Variants in SCD5 observed in about 807,000 individuals in gnomAD.
SCD5 encodes the protein stearoyl-CoA desaturase 5, also known as acyl-CoA-desaturase 4.
SCD5 carries 20 observed loss-of-function variants against 30.4 expected under a neutral mutation model. The observed-to-expected ratio is 0.66, with a 90% CI of 0.46 to 0.96. SCD5 has a LOEUF of 0.96. Ranked by LOEUF, SCD5 falls within the 40% of genes least tolerant of loss-of-function variation. The pLI, the probability that SCD5 is intolerant of heterozygous loss-of-function variation, is 0.00. For synonymous variants in SCD5, 173 were observed against 176.4 expected (o/e 0.98, Z 0.16); for missense variants, 381 against 443.3 (o/e 0.86, Z 1.26).
intron 1 of SCD5, among the ~76,000 whole-genome samples, chr4:82,752,467 G>A (rs1227205825): frequency 6.6e-6 from 1 of 152,076 alleles, no homozygotes; most frequent in East Asian, 1.9e-4. Flanking sequence ...AGGATGATTT[G>A]AAGGCCTGCA....
chr4:82,721,374 G>C (rs1240920576), intron 1 of SCD5, among the ~76,000 whole-genome samples: 1 of 152,114 alleles, frequency 6.6e-6, no homozygotes, highest in Non-Finnish European at 1.5e-5. Context: ...CTCAGAATCT[G>C]TTTCACAGAA....
In SCD5 at chr4:82,631,264, T is replaced by C. The variant is rs1441317149; in HGVS notation, c.*63A>G. 2.1e-6 allele frequency: 3 copies of C among 1,458,820 alleles called. No individual in the cohort carries two copies. Among genetic ancestry groups the C allele is most frequent in the Non-Finnish European group, 1.9e-6 (2 of 1,059,750 alleles). The allele number at this position is 1,458,820 out of a possible 1,614,324, so 90.4% of individuals were successfully genotyped here. On this transcript the variant is annotated 3_prime_UTR_variant, in exon 5 of 5. Transcript: ENST00000319540. ...CCCACGATCCAATGTACAAGAGAGC[T>C]ATTGTAACCAAAGCCATGAACCGAG...
intron 1 of SCD5, 21 bp from the exon 2 acceptor site, chr4:82,705,434 C>G (rs373726284): frequency 6.2e-7 from 1 of 1,613,800 alleles, no homozygotes; most frequent in Non-Finnish European, 8.5e-7. Context: ...CAAGCAGGGA[C>G]AACGTCAACA....
chr4:82,654,666 A>T (rs1727832859), intron 3 of SCD5, among the ~76,000 whole-genome samples: 1 of 152,130 alleles, frequency 6.6e-6, no homozygotes. Context: ...CCCGTGGGCA[A>T]CAACATAGAT....
At chr4:82,783,310 A>G (rs533201943) in intron 1 of SCD5, among the ~76,000 whole-genome samples, 2 of 152,282 alleles carry the variant, frequency 1.3e-5, no homozygotes, top group South Asian at 2.1e-4. Flanking sequence ...ATGTAGCCAG[A>G]ATGACCTCTG....
chr4:82,792,985 C>T (rs1468723111), intron 1 of SCD5, among the ~76,000 whole-genome samples: 1 of 152,160 alleles, frequency 6.6e-6, no homozygotes, highest in Non-Finnish European at 1.5e-5. Flanking sequence ...TATGTTCATA[C>T]TTGTTGGGAC....
In SCD5 at chr4:82,665,670, A is replaced by T. The variant is rs76028448; in HGVS notation, c.569+15037T>A. Reference sequence around the variant, plus strand: ...AAAAGCTGAGAATTTATTGCCCATAAACCTGTGTTACAAGAAATATAAAGG... The same window carrying T: ...AAAAGCTGAGAATTTATTGCCCATATACCTGTGTTACAAGAAATATAAAGG... On this transcript the variant is annotated intron_variant, in intron 3 of 4. Transcript: ENST00000319540. Among the ~76,000 whole-genome samples, 607 of 152,260 alleles carry T rather than the reference A, an allele frequency of 4.0e-3. 7 individuals are homozygous for T. Among genetic ancestry groups the T allele is most frequent in the African/African-American group, 0.014 (579 of 41,566 alleles).
At chr4:82,633,453 A>G in intron 4 of SCD5, among the ~76,000 whole-genome samples, 1 of 152,202 alleles carries the variant, frequency 6.6e-6, no homozygotes. Flanking sequence ...GGGAGTATAG[A>G]TATCTCTTCA....
rs539732937 is a variant in SCD5 at position 82,638,251 on chromosome 4, T to C, written c.570-1428A>G. ...TTTTTATTCTTTTACCCTTCTCCTA[T>C]GCACAATTAGATGCCCCGCCCCCTG... On this transcript the variant is annotated intron_variant, in intron 3 of 4. Coordinates refer to ENST00000319540, the MANE Select transcript of SCD5 (RefSeq NM_001037582.3). Among the ~76,000 whole-genome samples, 83 of 152,146 alleles carry C rather than the reference T, an allele frequency of 5.5e-4. 1 individual carries two copies. The highest frequency in any genetic ancestry group is 1.1e-3 in the Non-Finnish European group (76 of 67,996).
intron 1 of SCD5, among the ~76,000 whole-genome samples, chr4:82,776,442 G>C (rs983730984): frequency 1.3e-5 from 2 of 152,230 alleles, no homozygotes; most frequent in African/African-American, 4.8e-5. Flanking sequence ...CTGTCTAGGA[G>C]AGCAGGGAAA....
chr4:82,792,134 G>A (rs1390642655), intron 1 of SCD5, among the ~76,000 whole-genome samples: 1 of 152,164 alleles, frequency 6.6e-6, no homozygotes, highest in African/African-American at 2.4e-5. Flanking sequence ...GTGCATGCCT[G>A]TAATCCCAGC....
At chr4:82,726,558 G>GTTTTTTTTTTTTTTTTTTTTTTTTTTT (rs11382675) in intron 1 of SCD5, among the ~76,000 whole-genome samples, 1 of 146,494 alleles carries the variant, frequency 6.8e-6, no homozygotes, top group African/African-American at 2.5e-5. Context: ...GAAAGCAGCT[G>GTTTTTTTTTTTTTTTTTTTTTTTTTTT]TTTTTTTTTT....
chr4:82,774,918 G>T (rs1721714669), intron 1 of SCD5, among the ~76,000 whole-genome samples: 1 of 152,166 alleles, frequency 6.6e-6, no homozygotes, highest in African/African-American at 2.4e-5. Context: ...CCCATTCCCT[G>T]GAACTAATCC....
At chr4:82,687,630 T>C (rs1422983168) in intron 2 of SCD5, among the ~76,000 whole-genome samples, 1 of 152,206 alleles carries the variant, frequency 6.6e-6, no homozygotes, top group Non-Finnish European at 1.5e-5. Context: ...CCATTCTGTA[T>C]TTTGTGCCTC....
chr4:82,718,477 C>T (rs1007468366), intron 1 of SCD5, among the ~76,000 whole-genome samples: 4 of 151,720 alleles, frequency 2.6e-5, no homozygotes, highest in African/African-American at 7.3e-5. Context: ...GGATTCTGAC[C>T]AAACGTTCCT....
Position 82,720,041 on chromosome 4 carries a change from T to C in SCD5, c.233-14628A>G, listed in dbSNP as rs185360954. Among the ~76,000 whole-genome samples the C allele has an allele frequency of 1.0e-3, 152 of 149,588 alleles. 1 individual carries two copies. Among genetic ancestry groups the C allele is most frequent in the Non-Finnish European group, 1.5e-3 (104 of 67,992 alleles). On this transcript the variant is annotated intron_variant, in intron 1 of 4. Transcript: ENST00000319540. ...GGTAGTTGTAAAATGATTTTTAATA[T>C]ATTTTTATGGAGAAGGGGCCTACAA...
chr4:82,715,623 T>C (rs1720210284), intron 1 of SCD5, among the ~76,000 whole-genome samples: 1 of 151,576 alleles, frequency 6.6e-6, no homozygotes, highest in South Asian at 2.1e-4. Flanking sequence ...CACACATATA[T>C]TCTAGAACCT....
chr4:82,734,241 CT>C (rs1295248337), intron 1 of SCD5, among the ~76,000 whole-genome samples: 2 of 152,184 alleles, frequency 1.3e-5, no homozygotes, highest in Non-Finnish European at 2.9e-5. Context: ...GGAGTCAATG[CT>C]TTCCCTCTTT....
intron 3 of SCD5, among the ~76,000 whole-genome samples, chr4:82,662,126 A>G (rs1560527130): frequency 6.6e-6 from 1 of 152,188 alleles, no homozygotes; most frequent in East Asian, 1.9e-4. Context: ...GCTCAATCAC[A>G]GCTCACTGCA....
Sources: allele counts gnomAD v4.1 joint callset (sites outside exome capture counted in the v4.1 genomes callset), GRCh38; gene constraint gnomAD v4.1.1; transcripts MANE v1.5; gene names NCBI Gene and HGNC (gene_info 2026-07-23, HGNC 2026-07-21).